PEX11B: variants seen among roughly 807,000 people sequenced by gnomAD.
PEX11B encodes the protein peroxisomal biogenesis factor 11 beta.
Under a neutral mutation model 28.2 loss-of-function variants are expected in PEX11B, and 18 were observed. The observed-to-expected ratio is 0.64, with a 90% CI of 0.44 to 0.95. The LOEUF is 0.95. PEX11B is among the 40% of genes least tolerant of loss of function. PEX11B has a pLI of 0.00. For synonymous variants in PEX11B, 128 were observed against 128.7 expected (o/e 0.99, Z 0.04); for missense variants, 305 against 319.8 (o/e 0.95, Z 0.35).
chr1:145,918,300 C>G (rs1647525896), intron 1 of PEX11B: 6 of 1,478,834 alleles, frequency 4.1e-6, no homozygotes, highest in Non-Finnish European at 3.6e-6. Context: ...GCCTCCTCAG[C>G]TCTGGGGGCA....
intron 3 of PEX11B, among the ~76,000 whole-genome samples, chr1:145,913,822 T>C (rs1352418427): frequency 6.6e-6 from 1 of 152,232 alleles, no homozygotes; most frequent in Non-Finnish European, 1.5e-5. Context: ...CCATGTTTTT[T>C]ATTTGTAATC....
At chr1:145,914,969 T>G (rs1647295645) in intron 3 of PEX11B, among the ~76,000 whole-genome samples, 1 of 152,232 alleles carries the variant, frequency 6.6e-6, no homozygotes, top group South Asian at 2.1e-4. Context: ...AATGGCACGA[T>G]CTCGGCTCAC....
At chr1:145,916,781 C>CA (rs782055656) in intron 3 of PEX11B, 36 bp downstream of exon 3, 559 of 1,461,424 alleles carry the variant, frequency 3.8e-4, no homozygotes, top group Non-Finnish European at 4.9e-4. Flanking sequence ...ATAGAGGCTA[C>CA]AAAAAAAAAT....
At chr1:145,918,047 G>C in intron 1 of PEX11B, 2 of 984,866 alleles carry the variant, frequency 2.0e-6, no homozygotes, top group Non-Finnish European at 2.4e-6. Flanking sequence ...GCAAATTAGA[G>C]ATTTGACAAT....
chr1:145,913,622 C>CACA (rs1466633195), intron 3 of PEX11B, among the ~76,000 whole-genome samples: 5 of 147,354 alleles, frequency 3.4e-5, no homozygotes, highest in Non-Finnish European at 5.9e-5. Flanking sequence ...CACACACACA[C>CACA]ACACACTCTC....
chr1:145,918,575 AG>A, intron 1 of PEX11B, 57 bp downstream of exon 1: 6 of 1,562,948 alleles, frequency 3.8e-6, no homozygotes, highest in Non-Finnish European at 4.3e-6. Context: ...TCGCCTCACT[AG>A]AGTCTTCCTC....
intron 3 of PEX11B, among the ~76,000 whole-genome samples, chr1:145,915,151 G>A (rs782658916): frequency 2.6e-5 from 4 of 152,174 alleles, no homozygotes; most frequent in South Asian, 2.1e-4. Flanking sequence ...TGATCCGCCC[G>A]CCTTGGCCTC....
rs1657847815 is a variant in PEX11B at position 145,912,416 on chromosome 1, T to C, written c.525A>G (p.Gly175=). 1 of 1,578,694 alleles carries C rather than the reference T, an allele frequency of 6.3e-7. No individual in the cohort carries two copies. The highest frequency in any genetic ancestry group is 2.3e-5 in the East Asian group (1 of 43,734). ...PGGSETGGLG[G]PGTPGGGLPQ... is the part of the protein sequence containing the mutation. ...GCAGACCTCCTCCTGGAGTCCCTGG[T>C]CCCCCAAGTCCCCCAGTTTCACTTC... The change falls in exon 4 of 4, where the codon GGA becomes GGG. Residue 175 remains glycine, a synonymous_variant. Coordinates refer to ENST00000369306, the MANE Select transcript of PEX11B (RefSeq NM_003846.3).
Position 145,912,368 on chromosome 1 carries a change from C to G in PEX11B, c.573G>C (p.Arg191=), listed in dbSNP as rs1553753256. The change falls in exon 4 of 4, where the codon CGG becomes CGC. Residue 191 remains arginine (R), a synonymous_variant. Coordinates refer to ENST00000369306, the MANE Select transcript of PEX11B (RefSeq NM_003846.3). ...CTCGAGCCAGGAGCAGGACTTGCAG[C>G]CGAAGTTTCAGAGCCAGTTGGGGCA... is the stretch of plus-strand genomic sequence containing the variant. ...GGLPQLALKL[R]LQVLLLARVL... is the part of the protein sequence containing the mutation. The G allele has an allele frequency of 1.9e-6, 3 of 1,612,900 alleles. No individual in the cohort carries two copies. The highest frequency in any genetic ancestry group is 2.5e-6 in the Non-Finnish European group (3 of 1,179,472).
chr1:145,914,317 T>C (rs1381347127), intron 3 of PEX11B, among the ~76,000 whole-genome samples: 1 of 150,852 alleles, frequency 6.6e-6, no homozygotes, highest in Non-Finnish European at 1.5e-5. Context: ...GACGTTGCAG[T>C]GAGCTGAGAT....
At position 145,912,297 on chromosome 1, in the gene PEX11B, G is replaced by C; in HGVS notation, c.644C>G (p.Ala215Gly). The change falls in exon 4 of 4, where the codon GCC becomes GGC. Residue 215 changes from alanine to glycine, a missense_variant. Coordinates refer to ENST00000369306, the MANE Select transcript of PEX11B (RefSeq NM_003846.3). Reference sequence around the variant, plus strand: ...GTCCAGAGGAATGAAGAGATCACAGGCATTTCTGACCACGTCTAGCAGAAG... The same window carrying C: ...GTCCAGAGGAATGAAGAGATCACAGCCATTTCTGACCACGTCTAGCAGAAG... Reference protein sequence around the residue: ...PPLLLDVVRNACDLFIPLDKL... With the variant: ...PPLLLDVVRNGCDLFIPLDKL... The C allele has an allele frequency of 6.2e-7, 1 of 1,614,046 alleles. No homozygotes were observed. Among genetic ancestry groups the C allele is most frequent in the Non-Finnish European group, 8.5e-7 (1 of 1,179,998 alleles).
chr1:145,914,700 A>C (rs1553753660), intron 3 of PEX11B, among the ~76,000 whole-genome samples: 1 of 152,148 alleles, frequency 6.6e-6, no homozygotes, highest in African/African-American at 2.4e-5. Flanking sequence ...CTTGCTCTTC[A>C]GGTATGAGCT....
intron 3 of PEX11B, among the ~76,000 whole-genome samples, chr1:145,914,624 TACCTGGAATATTCTCCCTCC>T (rs1266388560): frequency 1.3e-5 from 2 of 152,152 alleles, no homozygotes; most frequent in African/African-American, 4.8e-5. Context: ...CTATTCCCTC[TACCTGGAATATTCTCCCTCC>T]ACCTGGAATA....
rs781994940 is a variant in PEX11B at position 145,912,442 on chromosome 1, C to T, written c.499G>A (p.Gly167Arg). 1.3e-6 allele frequency: 2 copies of T among 1,556,260 alleles called. No homozygotes were observed. The highest frequency in any genetic ancestry group is 1.7e-6 in the Non-Finnish European group (2 of 1,150,860). The change falls in exon 4 of 4, where the codon GGA becomes AGA. Residue 167 changes from glycine to arginine, a missense_variant. Coordinates refer to ENST00000369306, the MANE Select transcript of PEX11B (RefSeq NM_003846.3). ...CCCCCAAGTCCCCCAGTTTCACTTCCTCCTGGGACTCCTCCTCCAGAACCT... is the reference window on the plus strand; with the variant it reads ...CCCCCAAGTCCCCCAGTTTCACTTCTTCCTGGGACTCCTCCTCCAGAACCT... ...LKGSGGGVPG[G>R]SETGGLGGPG...
In PEX11B at chr1:145,915,143, A is replaced by C. The variant is rs147045671; in HGVS notation, c.374+1674T>G. On this transcript the variant is annotated intron_variant, in intron 3 of 3. Transcript: ENST00000369306. ...GTCTCAAAACTCCTGACCTCAGGTG[A>C]TCCGCCCGCCTTGGCCTCCCAAAGT... Among the ~76,000 whole-genome samples, 1,462 of 152,280 alleles carry C rather than the reference A, an allele frequency of 9.6e-3. 25 individuals are homozygous for C. The highest frequency in any genetic ancestry group is 0.033 in the African/African-American group (1,385 of 41,538).
intron 3 of PEX11B, among the ~76,000 whole-genome samples, 188 bp from the exon 4 acceptor site, chr1:145,912,754 C>T (rs965792534): frequency 6.6e-6 from 1 of 152,048 alleles, no homozygotes; most frequent in Non-Finnish European, 1.5e-5. Context: ...ATAAGCCAGA[C>T]ACAGAAAGAC....
rs782609110 is a variant in PEX11B at position 145,914,373 on chromosome 1, C to CAA, written c.375-1809_375-1808dup. On this transcript the variant is annotated intron_variant, in intron 3 of 3. Coordinates refer to ENST00000369306, the MANE Select transcript of PEX11B (RefSeq NM_003846.3). Reference sequence around the variant, plus strand: ...TGGGCGACAGAGCAAGACTCCATCTCAAAAAAAAAAAAAACCAAAAACAAA... The same window carrying CAA: ...TGGGCGACAGAGCAAGACTCCATCTCAAAAAAAAAAAAAAAACCAAAAACAAA... Among the ~76,000 whole-genome samples, 255 of 116,496 alleles carry CAA rather than the reference C, an allele frequency of 2.2e-3. 2 individuals are homozygous for CAA. The highest frequency in any genetic ancestry group is 6.7e-3 in the African/African-American group (227 of 33,740). The allele number at this position is 116,496 out of a possible 152,430, so 76.4% of individuals were successfully genotyped here.
chr1:145,912,239 A>G lies in PEX11B; in HGVS notation c.702T>C (p.Ile234=), dbSNP rs782450872. 6.2e-7 allele frequency: 1 copy of G among 1,613,992 alleles called. No homozygotes were observed. Among genetic ancestry groups the G allele is most frequent in the South Asian group, 1.1e-5 (1 of 91,074 alleles). ...AGGACACGAGGCCACAAAGCCCCAC[A>G]ATCCCAGGGCCACAGCGCCAGAGGC... ...KLGLWRCGPG[I]VGLCGLVSSI... Residue 234 remains isoleucine, a synonymous_variant, in exon 4 of 4, where the codon ATT becomes ATC. Coordinates refer to ENST00000369306, the MANE Select transcript of PEX11B (RefSeq NM_003846.3).
At chr1:145,918,416 G>A (rs1553754292) in intron 1 of PEX11B, 3 of 1,536,130 alleles carry the variant, frequency 2.0e-6, no homozygotes, top group Non-Finnish European at 2.6e-6. Context: ...CGGCCTCCCC[G>A]CTGGCCCACT....
Sources: allele counts gnomAD v4.1 joint callset (sites outside exome capture counted in the v4.1 genomes callset), GRCh38; gene constraint gnomAD v4.1.1; transcripts MANE v1.5; gene names NCBI Gene and HGNC (gene_info 2026-07-23, HGNC 2026-07-21).